SRGAP2B: variants seen among roughly 807,000 people sequenced by gnomAD.
SRGAP2B encodes SLIT-ROBO Rho GTPase activating protein 2B.
Under a neutral mutation model 22.2 loss-of-function variants are expected in SRGAP2B, and 9 were observed. The observed-to-expected ratio is 0.41, with a 90% confidence interval of 0.24 to 0.71. SRGAP2B has a LOEUF of 0.71. Ranked by LOEUF, SRGAP2B falls within the 30% of genes least tolerant of loss-of-function variation. SRGAP2B has a pLI of 0.35. For missense variants in SRGAP2B, 114 were observed against 235.8 expected, an observed-to-expected ratio of 0.48 and a Z score of 3.38; for synonymous variants, 36 against 87.4, an observed-to-expected ratio of 0.41 and a Z score of 3.28.
chr1:144,982,937 C>G (rs1451376821), intron 3 of SRGAP2B, among the ~76,000 whole-genome samples: 1 of 147,820 alleles, frequency 6.8e-6, no homozygotes, highest in Non-Finnish European at 1.5e-5. Context: ...CCATGCAAAA[C>G]ACACCAAAGA....
intron 5 of SRGAP2B, among the ~76,000 whole-genome samples, chr1:144,910,611 T>C (rs1663350699): frequency 7.3e-6 from 1 of 137,838 alleles, no homozygotes; most frequent in South Asian, 2.4e-4. Flanking sequence ...TTTTTCTCAA[T>C]TCTAGAGCTT....
At chr1:144,941,793 A>C (rs1279041167) in intron 4 of SRGAP2B, among the ~76,000 whole-genome samples, 1 of 149,806 alleles carries the variant, frequency 6.7e-6, no homozygotes, top group African/African-American at 2.5e-5. Context: ...GGGAGGCTAA[A>C]GTCAAAGGTG....
At chr1:145,008,809 G>T (rs1439554589) in intron 2 of SRGAP2B, among the ~76,000 whole-genome samples, 1 of 128,534 alleles carries the variant, frequency 7.8e-6, no homozygotes, top group Non-Finnish European at 1.6e-5. Context: ...TTAGTAAAAA[G>T]ATTATAAACA....
In SRGAP2B at chr1:144,940,728, G is replaced by A. The variant is rs587598547; in HGVS notation, c.423+14711C>T. 1.3e-4 allele frequency among the ~76,000 whole-genome samples: 19 copies of A among 147,552 alleles called. No homozygotes were observed. In the South Asian group the frequency reaches 3.7e-3, roughly 28 times the overall value. ...TGAGGCACGAGAATCACTTGAACCCGGGAGGCGGAGGTTGCAGTGAGCCAA... is the reference window on the plus strand; with the variant it reads ...TGAGGCACGAGAATCACTTGAACCCAGGAGGCGGAGGTTGCAGTGAGCCAA... On this transcript the variant is annotated intron_variant, in intron 4 of 9. Coordinates refer to ENST00000612199, the Ensembl canonical transcript of SRGAP2B.
intron 6 of SRGAP2B, 139 bp downstream of exon 6, chr1:144,905,720 C>A: frequency 1.5e-6 from 1 of 665,084 alleles, no homozygotes; most frequent in East Asian, 2.7e-5. Context: ...CAGAGCAAGG[C>A]CTCATTTTCA....
intron 3 of SRGAP2B, among the ~76,000 whole-genome samples, chr1:144,979,013 AG>A (rs1165316938): frequency 6.6e-6 from 1 of 151,546 alleles, no homozygotes. Flanking sequence ...AGTCTTCATA[AG>A]CCATATTCTC....
intron 3 of SRGAP2B, among the ~76,000 whole-genome samples, chr1:144,964,833 C>T (rs1267383063): frequency 6.6e-6 from 1 of 150,628 alleles, no homozygotes; most frequent in South Asian, 2.1e-4. Context: ...GTGGGAAGAT[C>T]GCTTGAGCCC....
intron 3 of SRGAP2B, among the ~76,000 whole-genome samples, chr1:144,975,702 A>G (rs587723452): frequency 1.3e-5 from 2 of 149,580 alleles, no homozygotes; most frequent in South Asian, 4.2e-4. Flanking sequence ...GGACTCAGGT[A>G]TTCTGTTATG....
At position 145,014,300 on chromosome 1, in the gene SRGAP2B, C is replaced by CA. The variant is rs587606866; in HGVS notation, c.68-19101dup. 6.4e-3 allele frequency among the ~76,000 whole-genome samples: 923 copies of CA among 144,588 alleles called. 21 individuals carry two copies. Among genetic ancestry groups the CA allele is most frequent in the African/African-American group, 0.023 (878 of 37,520 alleles). The allele number at this position is 144,588 out of a possible 152,430, so 94.9% of individuals were successfully genotyped here. ...TGGGCGACAGAGTGAGACTCCATCT[C>CA]AAAAAAAACAACAACAACAAACGAA... On this transcript the variant is annotated intron_variant, in intron 2 of 9. Coordinates refer to ENST00000612199, the Ensembl canonical transcript of SRGAP2B.
intron 4 of SRGAP2B, among the ~76,000 whole-genome samples, chr1:144,950,961 G>T (rs1666807968): frequency 6.7e-6 from 1 of 149,948 alleles, no homozygotes; most frequent in African/African-American, 2.5e-5. Context: ...AGATTCTCCT[G>T]CTTCAATCTC....
At chr1:144,999,234 C>T (rs1670945798) in intron 2 of SRGAP2B, among the ~76,000 whole-genome samples, 1 of 150,022 alleles carries the variant, frequency 6.7e-6, no homozygotes, top group Admixed American at 6.6e-5. Context: ...CAGTTCCTTC[C>T]CTAGAAATAC....
At chr1:145,093,700 C>G (rs1281854197) in intron 1 of SRGAP2B, among the ~76,000 whole-genome samples, 2 of 148,524 alleles carry the variant, frequency 1.3e-5, no homozygotes, top group East Asian at 3.9e-4. Context: ...CGCGGGGCAC[C>G]GGGCGGGGAA....
At chr1:144,971,080 AC>A (rs1668476905) in intron 3 of SRGAP2B, among the ~76,000 whole-genome samples, 1 of 150,158 alleles carries the variant, frequency 6.7e-6, no homozygotes, top group African/African-American at 2.5e-5. Context: ...TTTATAATAA[AC>A]TTGTTTCATA....
intron 2 of SRGAP2B, among the ~76,000 whole-genome samples, chr1:145,019,738 G>T (rs1425263514): frequency 7.4e-6 from 1 of 135,864 alleles, no homozygotes; most frequent in African/African-American, 2.9e-5. Context: ...AGTCCTGAGA[G>T]ATATAATTGA....
chr1:145,058,617 C>CTTT (rs1158243067), intron 2 of SRGAP2B, among the ~76,000 whole-genome samples: 26 of 48,290 alleles, frequency 5.4e-4, no homozygotes, highest in African/African-American at 2.4e-3. Context: ...CAGTCAATGT[C>CTTT]TTTTTTTTTT....
intron 3 of SRGAP2B, among the ~76,000 whole-genome samples, chr1:144,975,443 C>T (rs1553614024): frequency 6.7e-6 from 1 of 148,612 alleles, no homozygotes; most frequent in Admixed American, 6.7e-5. Context: ...GATTAATATT[C>T]TCATGGAAAT....
chr1:145,076,506 T>G (rs1394039663), intron 2 of SRGAP2B, among the ~76,000 whole-genome samples: 3 of 149,940 alleles, frequency 2.0e-5, no homozygotes, highest in Non-Finnish European at 3.0e-5. Flanking sequence ...CACAACAACC[T>G]GAATGAGTCT....
chr1:144,973,192 T>G (rs4844453), intron 3 of SRGAP2B, among the ~76,000 whole-genome samples: 1 of 149,576 alleles, frequency 6.7e-6, no homozygotes, highest in Admixed American at 6.6e-5. Flanking sequence ...TGTGAAAGTA[T>G]TGTTCTCAGC....
chr1:144,918,221 A>T (rs1664010527), intron 4 of SRGAP2B: 1 of 141,106 alleles, frequency 7.1e-6, no homozygotes, highest in Non-Finnish European at 1.5e-5. Context: ...TTGGGGGAAA[A>T]AATTACTTTG....
Sources: allele counts gnomAD v4.1 joint callset (sites outside exome capture counted in the v4.1 genomes callset), GRCh38; gene constraint gnomAD v4.1.1; transcripts MANE v1.5; gene names NCBI Gene and HGNC (gene_info 2026-07-23, HGNC 2026-07-21).